ADGRL3: variants seen among roughly 807,000 people sequenced by gnomAD.
ADGRL3 encodes calcium-independent alpha-latrotoxin receptor 3.
A neutral mutation model predicts 153.5 loss-of-function variants in ADGRL3; 62 were observed. That is an observed-to-expected ratio of 0.40 (90% CI 0.33 to 0.50). ADGRL3 has a LOEUF of 0.50. Among genes scored for constraint, ADGRL3 ranks in the 20% least tolerant of loss-of-function variants. The pLI, the probability that ADGRL3 is intolerant of heterozygous loss-of-function variation, is 0.47. For synonymous variants in ADGRL3, 710 were observed against 672.5 expected (o/e 1.06, Z -0.86); for missense variants, 1,641 against 1,859.4 (o/e 0.88, Z 2.16).
intron 1 of ADGRL3, among the ~76,000 whole-genome samples, chr4:61,356,795 AC>A (rs2096180657): frequency 1.3e-5 from 2 of 152,178 alleles, no homozygotes; most frequent in Admixed American, 6.5e-5. Context: ...TGTTAAAAAA[AC>A]AACCCACTAA....
intron 5 of ADGRL3, among the ~76,000 whole-genome samples, chr4:61,663,490 A>T (rs533966246): frequency 8.8e-4 from 134 of 152,294 alleles, no homozygotes; most frequent in African/African-American, 3.1e-3. Flanking sequence ...TGTGCAGCGG[A>T]TGGACCCTTT....
intron 1 of ADGRL3, among the ~76,000 whole-genome samples, chr4:61,224,470 A>G (rs1747019367): frequency 6.6e-6 from 1 of 152,184 alleles, no homozygotes. Flanking sequence ...ATGTATCTTT[A>G]TGTTTTTAAA....
At chr4:62,043,178 C>T (rs1729317407) in intron 24 of ADGRL3, among the ~76,000 whole-genome samples, 1 of 151,890 alleles carries the variant, frequency 6.6e-6, no homozygotes, top group African/African-American at 2.4e-5. Flanking sequence ...GCATATTGTA[C>T]TTTTGCATTT....
At chr4:61,222,342 A>G (rs1329704577) in intron 1 of ADGRL3, among the ~76,000 whole-genome samples, 3 of 152,246 alleles carry the variant, frequency 2.0e-5, no homozygotes, top group East Asian at 1.9e-4. Context: ...TATGGAGTAC[A>G]TAGCACTCTG....
intron 1 of ADGRL3, among the ~76,000 whole-genome samples, chr4:61,259,304 T>C (rs983396994): frequency 1.3e-5 from 2 of 151,908 alleles, no homozygotes; most frequent in African/African-American, 4.8e-5. Context: ...GCACCTGTAG[T>C]CCCAGCTACT....
intron 1 of ADGRL3, among the ~76,000 whole-genome samples, chr4:61,375,887 G>T (rs141784115): frequency 8.6e-5 from 13 of 152,040 alleles, no homozygotes; most frequent in African/African-American, 3.1e-4. Context: ...TGCTTTATGA[G>T]TGGTAGTTTC....
intron 5 of ADGRL3, among the ~76,000 whole-genome samples, chr4:61,658,690 C>A (rs1374287192): frequency 1.3e-5 from 2 of 152,146 alleles, no homozygotes; most frequent in Non-Finnish European, 2.9e-5. Context: ...CTCCAGATCA[C>A]TACGTTACCA....
chr4:61,597,996 G>A (rs1270431303), intron 5 of ADGRL3, among the ~76,000 whole-genome samples: 1 of 152,020 alleles, frequency 6.6e-6, no homozygotes, highest in East Asian at 1.9e-4. Flanking sequence ...TTTCTCTGCA[G>A]AATTTATCAT....
chr4:61,314,224 T>C (rs1444302885), intron 1 of ADGRL3, among the ~76,000 whole-genome samples: 1 of 151,586 alleles, frequency 6.6e-6, no homozygotes, highest in East Asian at 1.9e-4. Context: ...TTTTTTTTTT[T>C]CTGAGATTGA....
At chr4:61,568,363 T>C (rs2098824873) in intron 4 of ADGRL3, among the ~76,000 whole-genome samples, 1 of 152,174 alleles carries the variant, frequency 6.6e-6, no homozygotes, top group Non-Finnish European at 1.5e-5. Context: ...TATTAATACT[T>C]TGTAACTAAG....
chr4:61,677,422 G>A lies in ADGRL3; in HGVS notation c.583+487G>A, dbSNP rs550931313. ...CAGAAAGAAAAAATAAAGATTAAAA[G>A]AACTTGAAGTACTCTTCAGACTATA... On this transcript the variant is annotated intron_variant, in intron 6 of 26. Coordinates refer to ENST00000683033, the MANE Select transcript of ADGRL3 (RefSeq NM_001387552.1). 3.9e-5 allele frequency: 16 copies of A among 410,756 alleles called. No individual in the cohort carries two copies. In the East Asian group the frequency reaches 8.7e-4, roughly 22 times the overall value. 25.4% of individuals were successfully genotyped at this position (410,756 alleles called of 1,614,324 possible).
intron 6 of ADGRL3, among the ~76,000 whole-genome samples, chr4:61,712,795 T>C (rs557463915): frequency 6.6e-6 from 1 of 152,230 alleles, no homozygotes; most frequent in Non-Finnish European, 1.5e-5. Flanking sequence ...TGCTGTCTTA[T>C]ATATTCATCA....
chr4:61,301,019 T>C (rs2094567557), intron 1 of ADGRL3, among the ~76,000 whole-genome samples: 1 of 152,146 alleles, frequency 6.6e-6, no homozygotes, highest in African/African-American at 2.4e-5. Context: ...CGCCTCGGGC[T>C]CCGGAAGTGC....
intron 8 of ADGRL3, among the ~76,000 whole-genome samples, chr4:61,786,743 G>T (rs2097280948): frequency 6.6e-6 from 1 of 152,082 alleles, no homozygotes; most frequent in South Asian, 2.1e-4. Flanking sequence ...CATTAAATGA[G>T]ATTTTGTTCC....
At chr4:61,559,485 C>T (rs1007174664) in intron 4 of ADGRL3, among the ~76,000 whole-genome samples, 1 of 152,062 alleles carries the variant, frequency 6.6e-6, no homozygotes, top group Admixed American at 6.6e-5. Context: ...GGACTGCACC[C>T]ATCGTGGCAT....
intron 1 of ADGRL3, among the ~76,000 whole-genome samples, chr4:61,284,934 G>A (rs1276036439): frequency 6.7e-6 from 1 of 150,336 alleles, no homozygotes; most frequent in African/African-American, 2.5e-5. Context: ...CTTAAGCCCC[G>A]CTCTTTGTTT....
chr4:61,896,404 G>C (rs963475307), intron 11 of ADGRL3, among the ~76,000 whole-genome samples: 1 of 152,022 alleles, frequency 6.6e-6, no homozygotes, highest in Non-Finnish European at 1.5e-5. Flanking sequence ...ATGCCAAAAG[G>C]GTTATGGGAT....
intron 1 of ADGRL3, among the ~76,000 whole-genome samples, chr4:61,334,256 A>G (rs992353537): frequency 1.3e-5 from 2 of 152,096 alleles, no homozygotes; most frequent in African/African-American, 2.4e-5. Flanking sequence ...TACATGAACT[A>G]TAATATTTTT....
rs2098227886 is a variant in ADGRL3, at chr4:61,853,217, T to C, written c.1480+39328T>C. 2.0e-5 allele frequency among the ~76,000 whole-genome samples: 3 copies of C among 152,146 alleles called. No homozygotes were observed. The South Asian group carries it at 6.2e-4, about 32-fold the overall frequency. ...CCTGATGCCATTAGAGGCCCCACTT[T>C]GGGTCACCCCATTAGCATAAACTCA... On this transcript the variant is annotated intron_variant, in intron 9 of 26. Transcript: ENST00000683033.
Sources: allele counts gnomAD v4.1 joint callset (sites outside exome capture counted in the v4.1 genomes callset), GRCh38; gene constraint gnomAD v4.1.1; transcripts MANE v1.5; gene names NCBI Gene and HGNC (gene_info 2026-07-23, HGNC 2026-07-21).